Variants in CILK1 observed in about 807,000 individuals in gnomAD.
CILK1 encodes the protein ciliogenesis associated kinase 1, also known as serine/threonine-protein kinase ICK.
A neutral mutation model predicts 79.2 loss-of-function variants in CILK1; 47 were observed. That is an observed-to-expected ratio of 0.59 (90% confidence interval 0.47 to 0.76). The LOEUF is 0.76. Ranked by LOEUF, CILK1 falls within the 30% of genes least tolerant of loss-of-function variation. The pLI is 0.00. For missense variants in CILK1, 660 were observed against 769.5 expected, an observed-to-expected ratio of 0.86 and a Z score of 1.68; for synonymous variants, 266 against 275.9, an observed-to-expected ratio of 0.96 and a Z score of 0.36.
At chr6:53,051,796 T>C (rs746616837) in intron 1 of CILK1, among the ~76,000 whole-genome samples, 7 of 152,228 alleles carry the variant, frequency 4.6e-5, no homozygotes, top group African/African-American at 7.2e-5. Context: ...CAAAGACTTA[T>C]ACAATCATCT....
intron 11 of CILK1, 31 bp downstream of exon 11, chr6:53,011,738 A>G (rs919108079): frequency 2.8e-5 from 45 of 1,602,538 alleles, no homozygotes; most frequent in Non-Finnish European, 3.4e-5. Flanking sequence ...TCTTATTAAT[A>G]ATCAAAGTAA....
chr6:53,022,581 AACAAC>A (rs1303127165), intron 5 of CILK1, among the ~76,000 whole-genome samples: 1 of 152,214 alleles, frequency 6.6e-6, no homozygotes, highest in African/African-American at 2.4e-5. Context: ...AAAATTGTCT[AACAAC>A]ACATTTCTCA....
chr6:53,044,662 T>C (rs1766942104), intron 1 of CILK1, among the ~76,000 whole-genome samples: 1 of 152,138 alleles, frequency 6.6e-6, no homozygotes, highest in Admixed American at 6.5e-5. Flanking sequence ...CTCCTCCAAA[T>C]TCACATGTTA....
rs748005534 is a variant in CILK1, at chr6:53,018,408, G to A, written c.585C>T (p.Thr195=). ...AVGCIMAEVY[T]LRPLFPGASE... is the part of the protein sequence containing the mutation. ...TGGCTCCAGGGAAGAGTGGCCTGAG[G>A]GTGTAAACTTCTGCCATGATGCAGC... The change falls in exon 7 of 14, where the codon ACC becomes ACT. Residue 195 remains threonine (T), a synonymous_variant. Transcript: ENST00000676107. The A allele has an allele frequency of 1.2e-6, 2 of 1,614,170 alleles. No homozygotes were observed. The highest frequency in any genetic ancestry group is 1.7e-5 in the Admixed American group (1 of 60,014).
chr6:53,018,162 G>A (rs373985180), intron 7 of CILK1, among the ~76,000 whole-genome samples, 168 bp downstream of exon 7: 8 of 152,276 alleles, frequency 5.3e-5, no homozygotes, highest in African/African-American at 1.7e-4. Context: ...GGAGGAGGAA[G>A]AGAAGCCGAC....
intron 8 of CILK1, among the ~76,000 whole-genome samples, chr6:53,014,670 G>A (rs1280038211): frequency 6.6e-6 from 1 of 152,188 alleles, no homozygotes; most frequent in African/African-American, 2.4e-5. Context: ...ATAAACATCT[G>A]TAATGATTAT....
At chr6:53,027,130 T>C (rs1412582076) in intron 5 of CILK1, among the ~76,000 whole-genome samples, 1 of 152,242 alleles carries the variant, frequency 6.6e-6, no homozygotes. Context: ...ACCTACAATG[T>C]TTTTATCAAG....
intron 1 of CILK1, 109 bp from the exon 2 acceptor site, chr6:53,041,517 C>G: frequency 2.5e-6 from 1 of 408,156 alleles, no homozygotes; most frequent in Non-Finnish European, 4.7e-6. Context: ...TACCCACATA[C>G]TTGCATACCA....
At chr6:53,036,451 T>C (rs1258128215) in intron 3 of CILK1, among the ~76,000 whole-genome samples, 1 of 152,214 alleles carries the variant, frequency 6.6e-6, no homozygotes, top group Non-Finnish European at 1.5e-5. Flanking sequence ...AGTCTTGCTC[T>C]GTCACCCAGG....
At chr6:53,019,832 GTTTTTTT>G (rs11308649) in intron 5 of CILK1, among the ~76,000 whole-genome samples, 1 of 140,122 alleles carries the variant, frequency 7.1e-6, no homozygotes, top group Non-Finnish European at 1.6e-5. Flanking sequence ...TAGTTTTTTT[GTTTTTTT>G]TTTTTTTGTT....
intron 3 of CILK1, among the ~76,000 whole-genome samples, chr6:53,035,861 C>T (rs1444100039): frequency 6.6e-6 from 1 of 152,070 alleles, no homozygotes. Context: ...TTGTAAGGTG[C>T]GCCTCCTTTC....
In CILK1 at chr6:53,041,225, G is replaced by A. The variant is rs1418750277; in HGVS notation, c.12C>T (p.Tyr4=). 1.2e-6 allele frequency: 2 copies of A among 1,613,088 alleles called. No homozygotes were observed. The highest frequency in any genetic ancestry group is 1.1e-5 in the South Asian group (1 of 91,068). The change falls in exon 2 of 14, where the codon TAC becomes TAT. Residue 4 remains tyrosine (Y), a synonymous_variant. Transcript: ENST00000676107. ...CATCCCCGAGCTGCCTGATTGTTGTGTATCTATTCATGGTGTGCCTGCTCA... is the reference window on the plus strand; with the variant it reads ...CATCCCCGAGCTGCCTGATTGTTGTATATCTATTCATGGTGTGCCTGCTCA... MNR[Y]TTIRQLGDGT...
At chr6:53,007,520 T>C (rs1483127961) in intron 12 of CILK1, among the ~76,000 whole-genome samples, 1 of 152,224 alleles carries the variant, frequency 6.6e-6, no homozygotes, top group East Asian at 1.9e-4. Flanking sequence ...GCACAAATTT[T>C]AGTCTTGACA....
intron 3 of CILK1, among the ~76,000 whole-genome samples, chr6:53,037,254 T>C (rs1246942651): frequency 1.3e-5 from 2 of 151,352 alleles, no homozygotes; most frequent in Non-Finnish European, 2.9e-5. Flanking sequence ...ACAAAATCAA[T>C]AGAAGAAGGG....
chr6:53,044,890 C>G lies in CILK1; in HGVS notation c.-172-3482G>C, dbSNP rs150578676. On this transcript the variant is annotated intron_variant, in intron 1 of 13. Coordinates refer to ENST00000676107, the MANE Select transcript of CILK1 (RefSeq NM_014920.5). ...ACCAAACCATTTGATCTTGGACTCT[C>G]CAGCCTCCAGAACTGTGAAAAAAAT... 2.6e-3 allele frequency among the ~76,000 whole-genome samples: 403 copies of G among 152,278 alleles called. 2 individuals carry two copies. Among genetic ancestry groups the G allele is most frequent in the African/African-American group, 8.9e-3 (368 of 41,538 alleles).
At chr6:53,059,059 A>C (rs1162864408) in intron 1 of CILK1, among the ~76,000 whole-genome samples, 1 of 152,202 alleles carries the variant, frequency 6.6e-6, no homozygotes, top group African/African-American at 2.4e-5. Context: ...ATACTTACTA[A>C]GGATTCACTG....
chr6:53,024,314 A>G (rs140063524), intron 5 of CILK1, among the ~76,000 whole-genome samples: 2,336 of 152,364 alleles, frequency 0.015, 40 homozygotes, highest in East Asian at 0.061. Context: ...AAGAGCATTC[A>G]GTATCAGTCA....
intron 5 of CILK1, among the ~76,000 whole-genome samples, chr6:53,029,373 CAG>C (rs956445036): frequency 1.3e-5 from 2 of 152,200 alleles, no homozygotes; most frequent in African/African-American, 4.8e-5. Flanking sequence ...TCAGTGGAAT[CAG>C]AGAAAACTTG....
In CILK1 at chr6:53,011,765, T is replaced by C. The variant is rs1211480291; in HGVS notation, c.1492+4A>G. ...TCAAAGTAAAGCCAAGTCATTTATA[T>C]TACCAGGCAAGTATCGAGAGTGCTT... On this transcript the variant is annotated splice_donor_region_variant and intron_variant, in intron 11 of 13. Transcript: ENST00000676107. 2 of 1,613,630 alleles carry C rather than the reference T, an allele frequency of 1.2e-6. No homozygotes were observed. Among genetic ancestry groups the C allele is most frequent in the Non-Finnish European group, 8.5e-7 (1 of 1,179,614 alleles).
Sources: gnomAD v4.1 joint callset for allele counts (sites outside exome capture counted in the v4.1 genomes callset) on GRCh38, gnomAD v4.1.1 for gene constraint, MANE v1.5 for transcripts, NCBI Gene and HGNC (gene_info 2026-07-23, HGNC 2026-07-21) for gene names.